Variants in VRK2 observed in about 807,000 individuals in gnomAD.
VRK2 encodes the protein VRK serine/threonine kinase 2.
VRK2 carries 60 observed loss-of-function variants against 57.6 expected under a neutral mutation model. The observed-to-expected ratio is 1.04, with a 90% CI of 0.85 to 1.29. VRK2 has a LOEUF of 1.29. Among genes scored for constraint, VRK2 ranks in the 50% most tolerant of loss-of-function variants. VRK2 has a pLI of 0.00. For synonymous variants in VRK2, 231 were observed against 199.2 expected, an observed-to-expected ratio of 1.16 and a Z score of -1.35; for missense variants, 705 against 588.1, an observed-to-expected ratio of 1.20 and a Z score of -2.06.
At chr2:58,063,304 G>A (rs1677641541) in intron 2 of VRK2, among the ~76,000 whole-genome samples, 1 of 150,750 alleles carries the variant, frequency 6.6e-6, no homozygotes, top group African/African-American at 2.4e-5. Flanking sequence ...TGGGAGAAGA[G>A]GGTAGATGAA....
chr2:58,041,889 C>T (rs1382474958), upstream of VRK2, among the ~76,000 whole-genome samples: 1 of 152,064 alleles, frequency 6.6e-6, no homozygotes, highest in Non-Finnish European at 1.5e-5. Flanking sequence ...TCTTTGAATC[C>T]ACCTATGACC....
intron 3 of VRK2, among the ~76,000 whole-genome samples, chr2:58,034,098 C>A (rs1422523984): frequency 6.6e-6 from 1 of 152,046 alleles, no homozygotes; most frequent in East Asian, 1.9e-4. Flanking sequence ...GAATCATTCT[C>A]TTCTTAGTAG....
At chr2:58,093,658 C>G (rs1487237220) in intron 7 of VRK2, among the ~76,000 whole-genome samples, 1 of 152,012 alleles carries the variant, frequency 6.6e-6, no homozygotes, top group Admixed American at 6.6e-5. Context: ...TGCAGAAGCT[C>G]TTTAGTTTAA....
At chr2:58,025,119 T>C (rs1379279490) in intron 1 of VRK2, among the ~76,000 whole-genome samples, 3 of 152,200 alleles carry the variant, frequency 2.0e-5, no homozygotes, top group South Asian at 4.1e-4. Context: ...GAGTGGCTAA[T>C]AGCACAGATT....
At chr2:58,108,491 C>G (rs992523989) in intron 7 of VRK2, among the ~76,000 whole-genome samples, 2 of 152,108 alleles carry the variant, frequency 1.3e-5, no homozygotes, top group Non-Finnish European at 2.9e-5. Flanking sequence ...TCTCTGGAAA[C>G]TGATGCAAAC....
chr2:58,140,244 A>C (rs1454759928), intron 11 of VRK2, among the ~76,000 whole-genome samples: 1 of 151,988 alleles, frequency 6.6e-6, no homozygotes, highest in Non-Finnish European at 1.5e-5. Flanking sequence ...ATGTGCTGAT[A>C]TTTCAATCCA....
chr2:57,950,490 C>A (rs1671393892), intron 1 of VRK2, among the ~76,000 whole-genome samples: 1 of 152,130 alleles, frequency 6.6e-6, no homozygotes, highest in East Asian at 1.9e-4. Context: ...ACATTTTAAG[C>A]CCACTATTGA....
At chr2:58,110,821 C>T (rs1447078096) in intron 7 of VRK2, among the ~76,000 whole-genome samples, 1 of 152,144 alleles carries the variant, frequency 6.6e-6, no homozygotes, top group African/African-American at 2.4e-5. Context: ...CTGACAAAAT[C>T]TCAGTGCCCA....
Position 58,048,837 on chromosome 2 carries a change from A to G in VRK2, c.6A>G (p.Pro2=). ...CCCTTCTGCCAACAGAAGTGATGCCACCAAAAAGAAATGAAAAATACAAAC... is the reference window on the plus strand; with the variant it reads ...CCCTTCTGCCAACAGAAGTGATGCCGCCAAAAAGAAATGAAAAATACAAAC... M[P]PKRNEKYKLP... The change falls in exon 2 of 13, where the codon CCA becomes CCG. Residue 2 remains proline, a synonymous_variant. Transcript: ENST00000340157. The G allele has an allele frequency of 6.2e-7, 1 of 1,613,604 alleles. No individual in the cohort carries two copies. The highest frequency in any genetic ancestry group is 8.5e-7 in the Non-Finnish European group (1 of 1,179,780).
intron 1 of VRK2, among the ~76,000 whole-genome samples, chr2:57,982,749 G>C (rs1672464706): frequency 6.6e-6 from 1 of 152,168 alleles, no homozygotes; most frequent in South Asian, 2.1e-4. Flanking sequence ...AGACAGCCCT[G>C]AACTATCCAG....
intron 2 of VRK2, among the ~76,000 whole-genome samples, chr2:58,081,918 T>G (rs1484410123): frequency 1.3e-5 from 2 of 151,122 alleles, no homozygotes; most frequent in East Asian, 3.9e-4. Context: ...TTAATTTCAC[T>G]AGCTATAATG....
chr2:58,096,274 A>G (rs758653887), intron 7 of VRK2, among the ~76,000 whole-genome samples: 3 of 152,064 alleles, frequency 2.0e-5, no homozygotes, highest in Non-Finnish European at 1.5e-5. Flanking sequence ...TTTGGTGCCA[A>G]TATATTTGGT....
chr2:58,146,222 A>C, intron 11 of VRK2, 94 bp from the exon 12 acceptor site: 1 of 1,109,246 alleles, frequency 9.0e-7, no homozygotes, highest in South Asian at 2.1e-5. Flanking sequence ...AAGCTTGGCA[A>C]GTTTAGAGCT....
At position 58,112,734 on chromosome 2, in the gene VRK2, T is replaced by C. The variant is rs567358362; in HGVS notation, c.544-10367T>C. ...ATGCAATTTTAGAAGCAAATGACTT[T>C]TAGGGGAAGTGAATGAGCCCAAACA... On this transcript the variant is annotated intron_variant, in intron 7 of 12. Transcript: ENST00000340157. Among the ~76,000 whole-genome samples, 224 of 152,098 alleles carry C rather than the reference T, an allele frequency of 1.5e-3. 2 individuals carry two copies. Among genetic ancestry groups the C allele is most frequent in the African/African-American group, 5.3e-3 (219 of 41,476 alleles).
At chr2:58,006,963 G>C (rs553704887) in intron 1 of VRK2, among the ~76,000 whole-genome samples, 1 of 152,012 alleles carries the variant, frequency 6.6e-6, no homozygotes, top group African/African-American at 2.4e-5. Context: ...GGCAAGGCTG[G>C]GTCCCCTTGA....
chr2:58,131,684 C>G (rs1159882908), intron 8 of VRK2, 124 bp from the exon 9 acceptor site: 2 of 1,195,912 alleles, frequency 1.7e-6, no homozygotes, highest in Non-Finnish European at 2.3e-6. Context: ...TCCAGCTGAA[C>G]AAATAAAACA....
At chr2:58,003,767 A>G (rs1326757476) in intron 1 of VRK2, among the ~76,000 whole-genome samples, 1 of 152,086 alleles carries the variant, frequency 6.6e-6, no homozygotes, top group African/African-American at 2.4e-5. Flanking sequence ...TTCAGTTATA[A>G]TTCTAATCCA....
At chr2:58,118,381 C>T (rs146293415) in intron 7 of VRK2, among the ~76,000 whole-genome samples, 13,653 of 152,162 alleles carry the variant, frequency 0.09, 712 homozygotes, top group East Asian at 0.18. Context: ...TGACCGGCAC[C>T]GGAGTTTTGG....
At position 58,131,878 on chromosome 2, in the gene VRK2, C is replaced by T. The variant is rs1679249914; in HGVS notation, c.747C>T (p.Pro249=). 1.2e-6 allele frequency: 2 copies of T among 1,614,036 alleles called. No homozygotes were observed. Among genetic ancestry groups the T allele is most frequent in the African/African-American group, 2.7e-5 (2 of 75,002 alleles). ...CMLRWLCGKL[P]WEQNLKDPVA... ...TGCGGTGGTTGTGTGGGAAACTTCC[C>T]TGGGAACAGAACCTGAAGGACCCTG... Residue 249 remains proline (P), a synonymous_variant, in exon 9 of 13, where the codon CCC becomes CCT. Coordinates refer to ENST00000340157, the MANE Select transcript of VRK2 (RefSeq NM_006296.7).
Sources: gnomAD v4.1 joint callset for allele counts (sites outside exome capture counted in the v4.1 genomes callset) on GRCh38, gnomAD v4.1.1 for gene constraint, MANE v1.5 for transcripts, NCBI Gene and HGNC (gene_info 2026-07-23, HGNC 2026-07-21) for gene names.